MRPL45: variants seen among roughly 807,000 people sequenced by gnomAD.
MRPL45 encodes the protein mitochondrial ribosomal protein L45, also known as large ribosomal subunit protein mL45.
Under a neutral mutation model 38.1 loss-of-function variants are expected in MRPL45, and 20 were observed. That is an observed-to-expected ratio of 0.53 (90% CI 0.37 to 0.76). The LOEUF (loss-of-function observed/expected upper bound fraction) is 0.76. Among genes scored for constraint, MRPL45 ranks in the 30% least tolerant of loss-of-function variants. The pLI is 0.00. For synonymous variants in MRPL45, 105 were observed against 128.8 expected (o/e 0.82, Z 1.25); for missense variants, 337 against 395.6 (o/e 0.85, Z 1.26).
At chr17:38,301,042 T>C (rs1009334683) in intron 3 of MRPL45, among the ~76,000 whole-genome samples, 8 of 152,208 alleles carry the variant, frequency 5.3e-5, no homozygotes, top group African/African-American at 1.7e-4. Flanking sequence ...AATCCAGATA[T>C]CTTCAGTGGT....
intron 3 of MRPL45, among the ~76,000 whole-genome samples, chr17:38,302,434 C>T (rs1377209884): frequency 1.4e-5 from 2 of 144,518 alleles, no homozygotes; most frequent in African/African-American, 2.5e-5. Flanking sequence ...TTGCAGTGAG[C>T]CCAGATTGCA....
chr17:38,303,115 A>G (rs949831932), intron 3 of MRPL45, among the ~76,000 whole-genome samples: 2 of 151,934 alleles, frequency 1.3e-5, no homozygotes, highest in Admixed American at 6.6e-5. Context: ...CAAATTCTCT[A>G]TATTGTTATA....
At chr17:38,313,132 C>G (rs2037130037) in intron 4 of MRPL45, among the ~76,000 whole-genome samples, 1 of 148,898 alleles carries the variant, frequency 6.7e-6, no homozygotes, top group African/African-American at 2.5e-5. Context: ...CTACAGGCGC[C>G]TGCCACCACA....
intron 4 of MRPL45, among the ~76,000 whole-genome samples, chr17:38,317,041 C>A (rs1439201140): frequency 6.6e-6 from 1 of 152,092 alleles, no homozygotes; most frequent in Non-Finnish European, 1.5e-5. Context: ...CGTGATCTGC[C>A]CACCTTGGCC....
chr17:38,318,206 CAAAAA>C (rs1163303123), intron 4 of MRPL45, among the ~76,000 whole-genome samples: 3 of 57,666 alleles, frequency 5.2e-5, no homozygotes, highest in African/African-American at 1.2e-4. Flanking sequence ...GACTCTGTCT[CAAAAA>C]AAAAAAAAAA....
intron 4 of MRPL45, among the ~76,000 whole-genome samples, chr17:38,312,001 A>C (rs1339878022): frequency 6.6e-6 from 1 of 151,418 alleles, no homozygotes; most frequent in Non-Finnish European, 1.5e-5. Flanking sequence ...TTCAATGTTC[A>C]TATATATTGT....
chr17:38,300,888 G>C (rs1342717031), intron 3 of MRPL45, among the ~76,000 whole-genome samples: 1 of 152,012 alleles, frequency 6.6e-6, no homozygotes, highest in Non-Finnish European at 1.5e-5. Flanking sequence ...GGAGGTTGCG[G>C]TGAGCCGAGA....
intron 6 of MRPL45, 76 bp downstream of exon 6, chr17:38,320,843 A>G (rs972269721): frequency 1.3e-4 from 187 of 1,452,992 alleles, no homozygotes; most frequent in Admixed American, 3.4e-5. Flanking sequence ...AGTGCTGGGT[A>G]TGGTTGCCCA....
chr17:38,322,495 T>C lies in MRPL45; in HGVS notation c.835-14T>C. 6.2e-7 allele frequency: 1 copy of C among 1,611,892 alleles called. No homozygotes were observed. The highest frequency in any genetic ancestry group is 8.5e-7 in the Non-Finnish European group (1 of 1,179,106). On this transcript the variant is annotated splice_polypyrimidine_tract_variant and intron_variant, in intron 7 of 7. Transcript: ENST00000613675. ...GGCTTGGTTGGTGGGTAACCTGGCG[T>C]CCTACTCTTTCAGACGGTGATGATC...
chr17:38,305,825 T>C (rs2037047911), intron 3 of MRPL45, among the ~76,000 whole-genome samples: 1 of 151,816 alleles, frequency 6.6e-6, no homozygotes, highest in African/African-American at 2.4e-5. Flanking sequence ...GGATTTTTAG[T>C]ATAGATGGGG....
At chr17:38,313,333 C>CGTATAT (rs1230995888) in intron 4 of MRPL45, among the ~76,000 whole-genome samples, 178 of 17,228 alleles carry the variant, frequency 0.01, 4 homozygotes, top group African/African-American at 0.036. Context: ...TATATATATA[C>CGTATAT]ATATATATAT....
chr17:38,305,727 C>T (rs1214246373), intron 3 of MRPL45, among the ~76,000 whole-genome samples: 1 of 150,342 alleles, frequency 6.7e-6, no homozygotes, highest in Non-Finnish European at 1.5e-5. Context: ...ACTGCAACCT[C>T]TGCCTCCTGG....
chr17:38,319,197 G>A (rs906080498), intron 5 of MRPL45, among the ~76,000 whole-genome samples: 5 of 151,688 alleles, frequency 3.3e-5, no homozygotes, highest in African/African-American at 4.8e-5. Flanking sequence ...CAGCACACCC[G>A]GCTAATTTTT....
chr17:38,313,044 G>A (rs1233220383), intron 4 of MRPL45, among the ~76,000 whole-genome samples: 2 of 132,978 alleles, frequency 1.5e-5, no homozygotes, highest in Non-Finnish European at 3.1e-5. Context: ...GAGTGCAGTG[G>A]CACAATCTTG....
chr17:38,311,100 A>G (rs959680494), intron 4 of MRPL45, among the ~76,000 whole-genome samples: 3 of 152,132 alleles, frequency 2.0e-5, no homozygotes, highest in Admixed American at 1.3e-4. Context: ...ATGTTGTACA[A>G]TTCTTACCAC....
chr17:38,302,552 T>G, intron 3 of MRPL45, among the ~76,000 whole-genome samples: 3 of 122,556 alleles, frequency 2.4e-5, no homozygotes, highest in Admixed American at 9.6e-5. Context: ...TGGAGAAGTG[T>G]GGTGAGGAAT....
chr17:38,320,020 G>A (rs1457666082), intron 5 of MRPL45, among the ~76,000 whole-genome samples: 1 of 152,156 alleles, frequency 6.6e-6, no homozygotes, highest in Non-Finnish European at 1.5e-5. Context: ...AGAGAATGGC[G>A]TGAACCTGGG....
intron 4 of MRPL45, among the ~76,000 whole-genome samples, chr17:38,317,008 G>A (rs2037180495): frequency 6.6e-6 from 1 of 152,072 alleles, no homozygotes; most frequent in East Asian, 1.9e-4. Flanking sequence ...ATGTTGGCCA[G>A]GATGGTCTTG....
At chr17:38,314,941 A>G (rs1184352703) in intron 4 of MRPL45, among the ~76,000 whole-genome samples, 1 of 152,170 alleles carries the variant, frequency 6.6e-6, no homozygotes, top group African/African-American at 2.4e-5. Flanking sequence ...CTCTGCTCCT[A>G]TATGTCTCTC....
Sources: gnomAD v4.1 joint callset for allele counts (sites outside exome capture counted in the v4.1 genomes callset) on GRCh38, gnomAD v4.1.1 for gene constraint, MANE v1.5 for transcripts, NCBI Gene and HGNC (gene_info 2026-07-23, HGNC 2026-07-21) for gene names.